Variants in CDH6 observed in about 807,000 individuals in gnomAD.
The protein encoded by CDH6 is cadherin-6.
In CDH6, 31 loss-of-function variants were observed where a neutral mutation model predicts 78.0. The ratio of observed to expected loss-of-function variants is 0.40; its 90% CI spans 0.30 to 0.54. The LOEUF is 0.54. CDH6 is among the 20% of genes least tolerant of loss of function. CDH6 has a pLI of 0.56. For synonymous variants in CDH6, 376 were observed against 368.8 expected, an observed-to-expected ratio of 1.02 and a Z score of -0.23; for missense variants, 724 against 975.9, an observed-to-expected ratio of 0.74 and a Z score of 3.44.
intron 1 of CDH6, among the ~76,000 whole-genome samples, chr5:31,200,597 CA>C (rs1561194061): frequency 2.7e-5 from 4 of 148,008 alleles, no homozygotes; most frequent in Non-Finnish European, 6.0e-5. Context: ...CACACACACA[CA>C]TATACACACC....
At chr5:31,248,080 T>C (rs1657812369) in intron 1 of CDH6, among the ~76,000 whole-genome samples, 1 of 152,214 alleles carries the variant, frequency 6.6e-6, no homozygotes, top group Non-Finnish European at 1.5e-5. Flanking sequence ...AAGGTTTTTA[T>C]TAAGTATGTG....
Position 31,197,143 on chromosome 5 carries a change from A to G in CDH6, c.-129+3257A>G, listed in dbSNP as rs181844376. Among the ~76,000 whole-genome samples, 35 of 152,174 alleles carry G rather than the reference A, an allele frequency of 2.3e-4. No individual in the cohort carries two copies. The East Asian group carries it at 5.4e-3, about 23-fold the overall frequency. On this transcript the variant is annotated intron_variant, in intron 1 of 11. Transcript: ENST00000265071. ...CTGTTTAGATACCTGTGTCATCCTT[A>G]CTCCAGGTTTTTTCTGTTTCATTTC...
At chr5:31,196,115 A>G (rs1740157714) in intron 1 of CDH6, among the ~76,000 whole-genome samples, 2 of 152,158 alleles carry the variant, frequency 1.3e-5, no homozygotes, top group African/African-American at 4.8e-5. Flanking sequence ...ATTTTCTACC[A>G]AGTTGCCTAC....
intron 2 of CDH6, among the ~76,000 whole-genome samples, chr5:31,288,842 A>G (rs1743077017): frequency 6.6e-6 from 1 of 152,222 alleles, no homozygotes; most frequent in Admixed American, 6.5e-5. Context: ...CCATAATTCA[A>G]TATTTCATTT....
chr5:31,265,708 A>T (rs7714197), intron 1 of CDH6, among the ~76,000 whole-genome samples: 1 of 150,812 alleles, frequency 6.6e-6, no homozygotes, highest in African/African-American at 2.5e-5. Flanking sequence ...TTACTATTAT[A>T]TTCCGAATTA....
intron 2 of CDH6, among the ~76,000 whole-genome samples, chr5:31,293,197 A>T (rs567171378): frequency 9.2e-4 from 140 of 151,940 alleles, no homozygotes; most frequent in Non-Finnish European, 1.5e-3. Flanking sequence ...AGACTATTTC[A>T]ATTTTAGGTT....
chr5:31,238,878 T>A (rs1405727104), intron 1 of CDH6, among the ~76,000 whole-genome samples: 5 of 152,242 alleles, frequency 3.3e-5, no homozygotes, highest in African/African-American at 1.2e-4. Flanking sequence ...TGTAGGATAT[T>A]CAGAAGTTAA....
intron 1 of CDH6, among the ~76,000 whole-genome samples, chr5:31,257,182 G>C (rs577462251): frequency 6.7e-6 from 1 of 149,362 alleles, no homozygotes; most frequent in Admixed American, 6.6e-5. Flanking sequence ...TGTTTGTTTT[G>C]AGACGGAGTC....
chr5:31,288,508 CT>C (rs1743069545), intron 2 of CDH6, among the ~76,000 whole-genome samples: 1 of 152,138 alleles, frequency 6.6e-6, no homozygotes, highest in South Asian at 2.1e-4. Flanking sequence ...ACAACACTGT[CT>C]ATTTATTAGC....
Position 31,261,758 on chromosome 5 carries a change from T to C in CDH6, c.-128-5588T>C, listed in dbSNP as rs182143241. On this transcript the variant is annotated intron_variant, in intron 1 of 11. Transcript: ENST00000265071. ...CACCAGAACAAGTCTATGTCAAGTC[T>C]AAATTTTAAAACTTGAACGTAATTA... 6.8e-4 allele frequency among the ~76,000 whole-genome samples: 104 copies of C among 152,310 alleles called. 3 individuals carry two copies. The East Asian group carries it at 0.02, about 29-fold the overall frequency.
intron 2 of CDH6, among the ~76,000 whole-genome samples, chr5:31,288,567 C>T (rs139470387): frequency 6.6e-6 from 1 of 152,264 alleles, no homozygotes; most frequent in East Asian, 1.9e-4. Context: ...TACATGTAGA[C>T]ATCTATACGT....
chr5:31,233,927 A>G (rs1241004389), intron 1 of CDH6, among the ~76,000 whole-genome samples: 2 of 152,236 alleles, frequency 1.3e-5, no homozygotes, highest in African/African-American at 2.4e-5. Context: ...CGTAAATTCC[A>G]TGAGGCAGGA....
intron 1 of CDH6, among the ~76,000 whole-genome samples, chr5:31,227,941 G>A (rs886561529): frequency 6.6e-6 from 1 of 152,100 alleles, no homozygotes; most frequent in Non-Finnish European, 1.5e-5. Context: ...ACTTATTCTC[G>A]TACAGATTTA....
chr5:31,281,374 CT>C (rs1407606776), intron 2 of CDH6, among the ~76,000 whole-genome samples: 1 of 151,692 alleles, frequency 6.6e-6, no homozygotes, highest in Non-Finnish European at 1.5e-5. Flanking sequence ...TGTGTGTGTC[CT>C]TTTTTGGTGA....
chr5:31,249,829 G>A (rs960069325), intron 1 of CDH6: 4 of 152,286 alleles, frequency 2.6e-5, no homozygotes, highest in Non-Finnish European at 5.9e-5. Flanking sequence ...GTGGAATCCA[G>A]GTGACCCTTC....
intron 1 of CDH6, among the ~76,000 whole-genome samples, chr5:31,265,067 C>T (rs1006873653): frequency 3.3e-5 from 5 of 152,124 alleles, no homozygotes; most frequent in Middle Eastern, 3.2e-3. Context: ...CAGCAGCAGA[C>T]GTGTAATTCT....
chr5:31,303,687 C>T (rs1418333178), intron 6 of CDH6, among the ~76,000 whole-genome samples: 2 of 152,150 alleles, frequency 1.3e-5, no homozygotes, highest in Non-Finnish European at 2.9e-5. Context: ...GTAATATTTT[C>T]TCTCTCCTTT....
At chr5:31,245,904 T>C (rs1003152030) in intron 1 of CDH6, among the ~76,000 whole-genome samples, 5 of 140,348 alleles carry the variant, frequency 3.6e-5, no homozygotes, top group Non-Finnish European at 7.7e-5. Flanking sequence ...TCTCTCTTTT[T>C]TTTTTTTTTT....
intron 2 of CDH6, among the ~76,000 whole-genome samples, chr5:31,270,412 A>G (rs1397643597): frequency 6.6e-6 from 1 of 152,238 alleles, no homozygotes; most frequent in South Asian, 2.1e-4. Context: ...ACTCTTAACC[A>G]CACTTACAAA....
Sources: allele counts gnomAD v4.1 joint callset (sites outside exome capture counted in the v4.1 genomes callset), GRCh38; gene constraint gnomAD v4.1.1; transcripts MANE v1.5; gene names NCBI Gene and HGNC (gene_info 2026-07-23, HGNC 2026-07-21).